The following ATRNL1 variants were observed in gnomAD, a reference collection of about 807,000 sequenced individuals.
The protein encoded by ATRNL1 is attractin-like protein 1.
Under a neutral mutation model 182.7 loss-of-function variants are expected in ATRNL1, and 95 were observed. The observed-to-expected ratio is 0.52, with a 90% CI of 0.44 to 0.62. The LOEUF (loss-of-function observed/expected upper bound fraction) is 0.62. ATRNL1 is among the 20% of genes least tolerant of loss of function. The pLI, the probability that ATRNL1 is intolerant of heterozygous loss-of-function variation, is 0.00. For synonymous variants in ATRNL1, 576 were observed against 568.3 expected, an observed-to-expected ratio of 1.01 and a Z score of -0.19; for missense variants, 1,471 against 1,679.5, an observed-to-expected ratio of 0.88 and a Z score of 2.17.
intron 26 of ATRNL1, among the ~76,000 whole-genome samples, chr10:115,588,849 C>A (rs1157440934): frequency 6.6e-6 from 1 of 152,166 alleles, no homozygotes; most frequent in Admixed American, 6.5e-5. Context: ...CCTATTCTTC[C>A]ATCTTGCAGA....
intron 26 of ATRNL1, among the ~76,000 whole-genome samples, chr10:115,696,212 T>C: frequency 6.6e-6 from 1 of 152,242 alleles, no homozygotes. Context: ...ACATTTTCTT[T>C]ATCCAGTCTA....
intron 18 of ATRNL1, among the ~76,000 whole-genome samples, chr10:115,316,645 G>T (rs529546263): frequency 6.6e-6 from 1 of 152,188 alleles, no homozygotes; most frequent in African/African-American, 2.4e-5. Flanking sequence ...GTTTTGATTT[G>T]CATTTCTCTA....
intron 21 of ATRNL1, among the ~76,000 whole-genome samples, chr10:115,456,031 TTGG>T (rs1326765139): frequency 6.6e-6 from 1 of 152,134 alleles, no homozygotes; most frequent in East Asian, 1.9e-4. Context: ...TTTTGCATTG[TTGG>T]TGGGAGTGTA....
chr10:115,757,147 A>AGCC (rs1436719879), intron 27 of ATRNL1, among the ~76,000 whole-genome samples: 2 of 152,106 alleles, frequency 1.3e-5, no homozygotes, highest in Non-Finnish European at 2.9e-5. Flanking sequence ...TAGGGCATTT[A>AGCC]GCCTGTTTAC....
At chr10:115,505,258 A>T (rs1850050153) in intron 24 of ATRNL1, among the ~76,000 whole-genome samples, 1 of 140,212 alleles carries the variant, frequency 7.1e-6, no homozygotes, top group Non-Finnish European at 1.6e-5. Flanking sequence ...CCAAAAAGGG[A>T]GAATAATCAT....
rs1858937367 is a variant in ATRNL1 at position 115,637,311 on chromosome 10, C to CATTCCGGTGTA, written c.3795+87778_3795+87788dup. On this transcript the variant is annotated intron_variant, in intron 26 of 28. Coordinates refer to ENST00000355044, the MANE Select transcript of ATRNL1 (RefSeq NM_207303.4). Reference sequence around the variant, plus strand: ...TCATGAATGTTATTGCTCCTGAAGACATTCCGGTGTAATAAGATGTGGAGG... The same window carrying CATTCCGGTGTA: ...TCATGAATGTTATTGCTCCTGAAGACATTCCGGTGTAATTCCGGTGTAATAAGATGTGGAGG... 2.0e-5 allele frequency among the ~76,000 whole-genome samples: 3 copies of CATTCCGGTGTA among 152,174 alleles called. No homozygotes were observed. In the South Asian group the frequency reaches 6.2e-4, roughly 32 times the overall value.
chr10:115,499,804 C>G (rs554181529), intron 24 of ATRNL1, among the ~76,000 whole-genome samples: 1 of 152,240 alleles, frequency 6.6e-6, no homozygotes, highest in Admixed American at 6.5e-5. Context: ...GGCTGGTTGG[C>G]CCTAAGCAGT....
chr10:115,191,255 T>C (rs1398570339), intron 8 of ATRNL1, among the ~76,000 whole-genome samples: 1 of 152,132 alleles, frequency 6.6e-6, no homozygotes, highest in Non-Finnish European at 1.5e-5. Flanking sequence ...TGCTGGATCA[T>C]GTGGTAGTTC....
chr10:115,725,902 T>G (rs782355576), intron 26 of ATRNL1, among the ~76,000 whole-genome samples: 2 of 152,214 alleles, frequency 1.3e-5, no homozygotes, highest in Non-Finnish European at 2.9e-5. Flanking sequence ...ATTTGATAAT[T>G]CAGATCACAT....
chr10:115,326,548 A>G (rs1854892652), intron 18 of ATRNL1, among the ~76,000 whole-genome samples: 1 of 152,102 alleles, frequency 6.6e-6, no homozygotes, highest in South Asian at 2.1e-4. Context: ...CCATCAAGCT[A>G]CCAATTACTT....
At chr10:115,725,987 T>C (rs572429960) in intron 26 of ATRNL1, among the ~76,000 whole-genome samples, 5 of 152,316 alleles carry the variant, frequency 3.3e-5, no homozygotes, top group African/African-American at 1.2e-4. Context: ...AAACTTAAAT[T>C]GTTACTTATT....
At chr10:115,865,608 A>G (rs999120055) in intron 28 of ATRNL1, among the ~76,000 whole-genome samples, 2 of 152,186 alleles carry the variant, frequency 1.3e-5, no homozygotes, top group Non-Finnish European at 2.9e-5. Flanking sequence ...TGTTCCCATT[A>G]TAGAAAAATA....
chr10:115,171,343 CTT>C lies in ATRNL1; in HGVS notation c.1348+53_1348+54del, dbSNP rs3086141. On this transcript the variant is annotated intron_variant, in intron 8 of 28. Transcript: ENST00000355044. Reference sequence around the variant, plus strand: ...CTTTATTGATTGGGAATGTTTTTCTCTTTAATAAAATCTTCATATGAATTTAG... The same window carrying C: ...CTTTATTGATTGGGAATGTTTTTCTCTAATAAAATCTTCATATGAATTTAG... The C allele has an allele frequency of 8.3e-3, 12,035 of 1,447,254 alleles. 738 individuals are homozygous for C. The African/African-American group carries it at 0.14, about 17-fold the overall frequency. 89.7% of individuals were successfully genotyped at this position (1,447,254 alleles called of 1,614,324 possible). A position where few individuals can be genotyped will look rare whatever the true frequency, so the allele number is the denominator to read the frequency against.
intron 26 of ATRNL1, among the ~76,000 whole-genome samples, chr10:115,716,168 T>C (rs1042937990): frequency 1.3e-5 from 2 of 152,204 alleles, no homozygotes; most frequent in Admixed American, 6.5e-5. Context: ...AGTTAGTCAA[T>C]GATTATTATA....
chr10:115,874,566 C>T (rs1172948684), intron 28 of ATRNL1, among the ~76,000 whole-genome samples: 5 of 152,170 alleles, frequency 3.3e-5, no homozygotes, highest in South Asian at 2.1e-4. Flanking sequence ...CTGAAGGAAA[C>T]TACAATCTCT....
chr10:115,107,708 C>A (rs1844076858), intron 1 of ATRNL1, among the ~76,000 whole-genome samples: 1 of 152,250 alleles, frequency 6.6e-6, no homozygotes, highest in South Asian at 2.1e-4. Flanking sequence ...GTAGCCGCAT[C>A]TCCACAACTT....
chr10:115,812,460 G>T (rs985903422), intron 27 of ATRNL1, among the ~76,000 whole-genome samples: 1 of 152,032 alleles, frequency 6.6e-6, no homozygotes, highest in South Asian at 2.1e-4. Flanking sequence ...ATACCCCACT[G>T]ATATTTTTAC....
At chr10:115,333,779 G>C (rs770019653) in intron 18 of ATRNL1, among the ~76,000 whole-genome samples, 1 of 151,912 alleles carries the variant, frequency 6.6e-6, no homozygotes, top group African/African-American at 2.4e-5. Flanking sequence ...GAGCCACCAC[G>C]CCTGGCTCAA....
At chr10:115,584,622 T>A (rs1290806337) in intron 26 of ATRNL1, among the ~76,000 whole-genome samples, 15 of 150,050 alleles carry the variant, frequency 1.0e-4, no homozygotes, top group Non-Finnish European at 1.8e-4. Flanking sequence ...TTATTGCGTC[T>A]ATTTGATTCT....
Sources: allele counts gnomAD v4.1 joint callset (sites outside exome capture counted in the v4.1 genomes callset), GRCh38; gene constraint gnomAD v4.1.1; transcripts MANE v1.5; gene names NCBI Gene and HGNC (gene_info 2026-07-23, HGNC 2026-07-21).